MGAT5: variants seen among roughly 807,000 people sequenced by gnomAD.
MGAT5 encodes alpha-1,6-mannosylglycoprotein 6-beta-N-acetylglucosaminyltransferase A.
Under a neutral mutation model 94.3 loss-of-function variants are expected in MGAT5, and 30 were observed. The observed-to-expected ratio is 0.32, with a 90% CI of 0.24 to 0.43. The LOEUF (loss-of-function observed/expected upper bound fraction) is 0.43, where lower values mean the gene tolerates loss of function less well. Among genes scored for constraint, MGAT5 ranks in the 20% least tolerant of loss-of-function variants. The pLI, the probability that MGAT5 is intolerant of heterozygous loss-of-function variation, is 1.00. For missense variants in MGAT5, 691 were observed against 905.5 expected (o/e 0.76, Z 3.04); for synonymous variants, 310 against 322.9 (o/e 0.96, Z 0.43).
intron 1 of MGAT5, among the ~76,000 whole-genome samples, chr2:134,159,724 C>A (rs1231507892): frequency 6.6e-6 from 1 of 152,086 alleles, no homozygotes; most frequent in African/African-American, 2.4e-5. Context: ...GCCTATAGTC[C>A]CAGCTGCTGC....
At chr2:134,365,937 G>A (rs1680401002) in intron 10 of MGAT5, among the ~76,000 whole-genome samples, 2 of 152,038 alleles carry the variant, frequency 1.3e-5, no homozygotes, top group African/African-American at 4.8e-5. Context: ...TGGTCTTGTC[G>A]TGATGTTATA....
At chr2:134,134,695 T>C (rs1686327415) in intron 1 of MGAT5, among the ~76,000 whole-genome samples, 1 of 152,078 alleles carries the variant, frequency 6.6e-6, no homozygotes, top group Non-Finnish European at 1.5e-5. Context: ...ATATCAGCAA[T>C]TTGGGGGGGC....
chr2:134,369,880 A>G (rs1680678862), intron 10 of MGAT5, among the ~76,000 whole-genome samples: 1 of 152,134 alleles, frequency 6.6e-6, no homozygotes, highest in African/African-American at 2.4e-5. Flanking sequence ...TCAGAGCCCT[A>G]GGGTCTGCTA....
chr2:134,411,038 C>T (rs1683622926), intron 11 of MGAT5, among the ~76,000 whole-genome samples: 1 of 152,158 alleles, frequency 6.6e-6, no homozygotes, highest in African/African-American at 2.4e-5. Flanking sequence ...AGATAACAAC[C>T]CTGGATTCTT....
At position 134,268,817 on chromosome 2, in the gene MGAT5, A is replaced by T. The variant is rs1263218207; in HGVS notation, c.242-1569A>T. 1.3e-5 allele frequency among the ~76,000 whole-genome samples: 2 copies of T among 152,234 alleles called. No homozygotes were observed. The highest frequency in any genetic ancestry group is 4.8e-5 in the African/African-American group (2 of 41,464). ...CCTCTTTTACAGGTAAGGAAACAGG[A>T]ATGCCAGAGGTAGGACTCAAACCTA... is the stretch of plus-strand genomic sequence containing the variant. On this transcript the variant is annotated intron_variant, in intron 1 of 15. Coordinates refer to ENST00000281923, the MANE Select transcript of MGAT5 (RefSeq NM_002410.5). This position sits in a 1 kb window ranked among gnomAD's most constrained non-coding sequence, Gnocchi z 4.1.
intron 12 of MGAT5, among the ~76,000 whole-genome samples, chr2:134,415,537 T>C (rs1362015856): frequency 6.6e-6 from 1 of 152,240 alleles, no homozygotes; most frequent in Non-Finnish European, 1.5e-5. Context: ...ATTAAATATG[T>C]GGTTTGCAAA....
intron 10 of MGAT5, among the ~76,000 whole-genome samples, chr2:134,367,418 T>C (rs1020587297): frequency 1.3e-5 from 2 of 152,214 alleles, no homozygotes; most frequent in Admixed American, 1.3e-4. Context: ...TAGCCCAACA[T>C]CTGTTTTTGT....
intron 10 of MGAT5, among the ~76,000 whole-genome samples, chr2:134,392,539 C>T (rs1014139702): frequency 3.9e-5 from 6 of 152,264 alleles, no homozygotes; most frequent in Admixed American, 1.3e-4. Flanking sequence ...TTGTTCTTAG[C>T]TTGGTGGGAG....
rs1258633305 is a variant in MGAT5, at chr2:134,449,967, C to G, written c.*1120C>G. 1 of 152,280 alleles carries G rather than the reference C, an allele frequency of 6.6e-6. No individual in the cohort carries two copies. Among genetic ancestry groups the G allele is most frequent in the Non-Finnish European group, 1.5e-5 (1 of 68,180 alleles). The allele number at this position is 152,280 out of a possible 1,614,324, so 9.4% of individuals were successfully genotyped here. ...GCTCAGGATGAATGCAGTGCCCTGTCCTGGCTACTCACCTGAGGGTGTAGC... is the reference window on the plus strand; with the variant it reads ...GCTCAGGATGAATGCAGTGCCCTGTGCTGGCTACTCACCTGAGGGTGTAGC... On this transcript the variant is annotated 3_prime_UTR_variant, in exon 16 of 16. Coordinates refer to ENST00000281923, the MANE Select transcript of MGAT5 (RefSeq NM_002410.5).
At chr2:134,379,095 T>C (rs773903423) in intron 10 of MGAT5, among the ~76,000 whole-genome samples, 1 of 152,212 alleles carries the variant, frequency 6.6e-6, no homozygotes, top group Non-Finnish European at 1.5e-5. Flanking sequence ...CTTCTGGCTT[T>C]TTCTCCCACT....
intron 5 of MGAT5, 48 bp downstream of exon 5, chr2:134,336,336 A>T (rs1320954358): frequency 6.9e-7 from 1 of 1,440,278 alleles, no homozygotes; most frequent in Non-Finnish European, 9.7e-7. Context: ...TTTAGGTCAG[A>T]TGCCAAGTGA....
intron 9 of MGAT5, among the ~76,000 whole-genome samples, chr2:134,351,862 A>G (rs1679407791): frequency 6.6e-6 from 1 of 152,212 alleles, no homozygotes; most frequent in Non-Finnish European, 1.5e-5. Flanking sequence ...TTGAGAAGAA[A>G]AAGTTCCATG....
At chr2:134,339,308 T>G (rs1274855924) in intron 6 of MGAT5, among the ~76,000 whole-genome samples, 1 of 152,022 alleles carries the variant, frequency 6.6e-6, no homozygotes. Flanking sequence ...TCCTGTGGAG[T>G]AACCTCGAGG....
intron 4 of MGAT5, among the ~76,000 whole-genome samples, chr2:134,335,059 A>T (rs543093680): frequency 1.3e-5 from 2 of 152,140 alleles, no homozygotes; most frequent in East Asian, 3.9e-4. Context: ...AGATGGCTTT[A>T]TGCAAATCAG....
intron 1 of MGAT5, among the ~76,000 whole-genome samples, chr2:134,154,143 G>C (rs759667249): frequency 6.6e-6 from 1 of 152,106 alleles, no homozygotes; most frequent in Non-Finnish European, 1.5e-5. Flanking sequence ...CATAGACTTT[G>C]TGGCCAATTA....
At chr2:134,162,272 C>T (rs984764701) in intron 1 of MGAT5, among the ~76,000 whole-genome samples, 4 of 152,218 alleles carry the variant, frequency 2.6e-5, no homozygotes, top group East Asian at 1.9e-4. Flanking sequence ...TTCTTGTACT[C>T]ATGGTGTTAG....
At chr2:134,332,501 G>A (rs1688037763) in intron 4 of MGAT5, among the ~76,000 whole-genome samples, 1 of 152,102 alleles carries the variant, frequency 6.6e-6, no homozygotes, top group Non-Finnish European at 1.5e-5. Flanking sequence ...GAAAACCTAG[G>A]CATTACCATT....
At chr2:134,133,578 C>A (rs946821499) in intron 1 of MGAT5, among the ~76,000 whole-genome samples, 1 of 152,138 alleles carries the variant, frequency 6.6e-6, no homozygotes, top group African/African-American at 2.4e-5. Flanking sequence ...CAAATAGGGT[C>A]CTTTTATTGA....
chr2:134,121,283 T>A (rs1238981184), intron 1 of MGAT5, among the ~76,000 whole-genome samples: 1 of 152,178 alleles, frequency 6.6e-6, no homozygotes, highest in Non-Finnish European at 1.5e-5. Flanking sequence ...GCTCTCAGCC[T>A]GGTGGACCCG....
Sources: allele counts gnomAD v4.1 joint callset (sites outside exome capture counted in the v4.1 genomes callset), GRCh38; gene constraint gnomAD v4.1.1; non-coding constraint Gnocchi (gnomAD v3.1); transcripts MANE v1.5; gene names NCBI Gene and HGNC (gene_info 2026-07-23, HGNC 2026-07-21).